The following TMEM63C variants were observed in gnomAD, a reference collection of about 807,000 sequenced individuals.
The protein encoded by TMEM63C is transmembrane protein 63C.
TMEM63C carries 32 observed loss-of-function variants against 99.2 expected under a neutral mutation model. The observed-to-expected ratio is 0.32, with a 90% CI of 0.24 to 0.43. TMEM63C has a LOEUF of 0.43. Ranked by LOEUF, TMEM63C falls within the 20% of genes least tolerant of loss-of-function variation. The probability of loss-of-function intolerance (pLI) is 1.00; values close to 1 mark genes in which losing one functional copy is unlikely to be tolerated. For missense variants in TMEM63C, 826 were observed against 1,053.0 expected (o/e 0.78, Z 2.98); for synonymous variants, 376 against 397.9 (o/e 0.94, Z 0.66).
chr14:77,219,931 TG>T, intron 4 of TMEM63C, 74 bp from the exon 5 acceptor site: 1 of 1,382,384 alleles, frequency 7.2e-7, no homozygotes, highest in Middle Eastern at 2.1e-4. Context: ...AGCCAGGGAG[TG>T]GGGAGGGAGC....
chr14:77,193,325 C>T (rs77938493), intron 1 of TMEM63C, among the ~76,000 whole-genome samples: 2,899 of 152,274 alleles, frequency 0.019, 82 homozygotes, highest in African/African-American at 0.066. Context: ...GACAATTTGG[C>T]AAAATGTTAG....
intron 1 of TMEM63C, among the ~76,000 whole-genome samples, chr14:77,184,484 G>A (rs558519608): frequency 4.6e-5 from 7 of 152,176 alleles, no homozygotes; most frequent in Non-Finnish European, 1.0e-4. Context: ...GCGGGTGGAA[G>A]AACCATAAAG....
chr14:77,194,811 G>T (rs1433667072), intron 1 of TMEM63C, among the ~76,000 whole-genome samples: 7 of 151,708 alleles, frequency 4.6e-5, no homozygotes, highest in Non-Finnish European at 8.8e-5. Flanking sequence ...CTAACTTGTG[G>T]GCTCAAGTGA....
chr14:77,215,614 A>AAAGAAAGAAAAGAAAAGAAAAGAAAAG (rs1555347252), intron 2 of TMEM63C, among the ~76,000 whole-genome samples: 1 of 76,528 alleles, frequency 1.3e-5, no homozygotes, highest in Admixed American at 1.5e-4. Flanking sequence ...AAAAAAAAAA[A>AAAGAAAGAAAAGAAAAGAAAAGAAAAG]AAAAGAAAAG....
intron 14 of TMEM63C, 114 bp from the exon 15 acceptor site, chr14:77,242,789 G>A: frequency 7.8e-7 from 1 of 1,284,894 alleles, no homozygotes; most frequent in South Asian, 1.3e-5. Flanking sequence ...TCTGGGCCCA[G>A]GAGGCTGGAT....
At chr14:77,255,976 A>G (rs1428495097) in intron 23 of TMEM63C, among the ~76,000 whole-genome samples, 1 of 152,212 alleles carries the variant, frequency 6.6e-6, no homozygotes, top group Non-Finnish European at 1.5e-5. Context: ...AGAGGATGAC[A>G]ATTGCTCTTC....
In TMEM63C at chr14:77,242,476, C is replaced by A; in HGVS notation, c.1187+7C>A. 1 of 1,613,216 alleles carries A rather than the reference C, an allele frequency of 6.2e-7. No individual in the cohort carries two copies. The highest frequency in any genetic ancestry group is 8.5e-7 in the Non-Finnish European group (1 of 1,179,470). Reference sequence around the variant, plus strand: ...ACCCCAAAGACATTATTTGGTAAGCCTCCTCCATCCCTCCCCTCTCCTCTG... The same window carrying A: ...ACCCCAAAGACATTATTTGGTAAGCATCCTCCATCCCTCCCCTCTCCTCTG... On this transcript the variant is annotated splice_region_variant and intron_variant, in intron 14 of 23. Transcript: ENST00000298351.
chr14:77,238,253 G>A (rs1412849421), intron 9 of TMEM63C, among the ~76,000 whole-genome samples: 2 of 152,214 alleles, frequency 1.3e-5, no homozygotes, highest in Non-Finnish European at 2.9e-5. Flanking sequence ...TTTCCCTAGA[G>A]ATGTGAGGCT....
At chr14:77,255,904 G>A (rs187152576) in intron 23 of TMEM63C, among the ~76,000 whole-genome samples, 32 of 152,332 alleles carry the variant, frequency 2.1e-4, no homozygotes, top group African/African-American at 7.7e-4. Flanking sequence ...CTATGGGAAA[G>A]GTTTCATTCC....
intron 5 of TMEM63C, among the ~76,000 whole-genome samples, chr14:77,221,336 T>C (rs1421855239): frequency 9.2e-5 from 3 of 32,472 alleles, no homozygotes; most frequent in Non-Finnish European, 4.8e-5. Context: ...CACCTCCCAC[T>C]CACGCCCCCT....
chr14:77,256,198 C>G (rs1310949925), intron 23 of TMEM63C, among the ~76,000 whole-genome samples: 1 of 152,192 alleles, frequency 6.6e-6, no homozygotes, highest in African/African-American at 2.4e-5. Context: ...CTCTCCAGAC[C>G]TCAGCTGAGG....
At chr14:77,229,975 G>A (rs1156488383) in intron 6 of TMEM63C, among the ~76,000 whole-genome samples, 4 of 151,916 alleles carry the variant, frequency 2.6e-5, no homozygotes, top group Non-Finnish European at 4.4e-5. Context: ...CGAGGCAGGC[G>A]GATCCCCTGA....
chr14:77,220,829 A>C, intron 5 of TMEM63C, among the ~76,000 whole-genome samples: 1 of 124,282 alleles, frequency 8.0e-6, no homozygotes, highest in South Asian at 2.5e-4. Flanking sequence ...ACAGTGGCCC[A>C]TGCTGCTGTC....
intron 1 of TMEM63C, among the ~76,000 whole-genome samples, chr14:77,184,502 G>A (rs1475370438): frequency 6.6e-6 from 1 of 152,178 alleles, no homozygotes; most frequent in Non-Finnish European, 1.5e-5. Flanking sequence ...AAGATAATGG[G>A]TGTAAAGTGC....
chr14:77,251,901 G>A lies in TMEM63C; in HGVS notation c.2148+3G>A. The A allele has an allele frequency of 1.2e-6, 2 of 1,609,970 alleles. No homozygotes were observed. The highest frequency in any genetic ancestry group is 2.2e-5 in the East Asian group (1 of 44,860). The stretch of plus-strand genomic sequence containing the variant: ...TTCGGATGGTTGCCGACTACGAGGT[G>A]AGTTGCCAGCCTGCCCCTCCTCCTG... On this transcript the variant is annotated splice_donor_region_variant and intron_variant, in intron 22 of 23. Transcript: ENST00000298351.
intron 6 of TMEM63C, among the ~76,000 whole-genome samples, chr14:77,231,059 C>T (rs989953931): frequency 6.6e-6 from 1 of 152,222 alleles, no homozygotes; most frequent in Non-Finnish European, 1.5e-5. Flanking sequence ...ACTGGGCCAG[C>T]ATATACACCC....
At chr14:77,182,664 C>T (rs1233575563) in intron 1 of TMEM63C, among the ~76,000 whole-genome samples, 1 of 152,160 alleles carries the variant, frequency 6.6e-6, no homozygotes, top group Non-Finnish European at 1.5e-5. Context: ...ACCCCATTTC[C>T]TCATCCCTGA....
chr14:77,210,791 A>C (rs766377599), intron 1 of TMEM63C, among the ~76,000 whole-genome samples: 1 of 152,186 alleles, frequency 6.6e-6, no homozygotes. Flanking sequence ...TGTTAACAAA[A>C]AGATGATTAA....
Position 77,212,873 on chromosome 14 carries a change from G to A in TMEM63C, c.-76-573G>A, listed in dbSNP as rs530900066. On this transcript the variant is annotated intron_variant, in intron 1 of 23. Coordinates refer to ENST00000298351, the MANE Select transcript of TMEM63C (RefSeq NM_020431.4). Reference sequence around the variant, plus strand: ...TGCCCAACTCCAAGCTTAGTGGCTGGGGCCTTGTAACTAGGGGTCCTCCCA... The same window carrying A: ...TGCCCAACTCCAAGCTTAGTGGCTGAGGCCTTGTAACTAGGGGTCCTCCCA... 2.0e-5 allele frequency among the ~76,000 whole-genome samples: 3 copies of A among 152,284 alleles called. No individual in the cohort carries two copies. The South Asian group carries it at 6.2e-4, about 32-fold the overall frequency.
Sources: gnomAD v4.1 joint callset for allele counts (sites outside exome capture counted in the v4.1 genomes callset) on GRCh38, gnomAD v4.1.1 for gene constraint, MANE v1.5 for transcripts, NCBI Gene and HGNC (gene_info 2026-07-23, HGNC 2026-07-21) for gene names.